The following SRD5A2 variants were observed in gnomAD, a reference collection of about 807,000 sequenced individuals.
SRD5A2 encodes the protein 3-oxo-5-alpha-steroid 4-dehydrogenase 2.
SRD5A2 carries 30 observed loss-of-function variants against 27.4 expected under a neutral mutation model. The observed-to-expected ratio is 1.10, with a 90% confidence interval of 0.82 to 1.49. The LOEUF (loss-of-function observed/expected upper bound fraction) is 1.49. Among genes scored for constraint, SRD5A2 ranks in the 40% most tolerant of loss-of-function variants. SRD5A2 has a pLI of 0.00. For missense variants in SRD5A2, 348 were observed against 323.4 expected, an observed-to-expected ratio of 1.08 and a Z score of -0.58; for synonymous variants, 141 against 133.6, an observed-to-expected ratio of 1.06 and a Z score of -0.38.
At chr2:31,571,712 C>T (rs1330409172) in intron 1 of SRD5A2, among the ~76,000 whole-genome samples, 3 of 152,124 alleles carry the variant, frequency 2.0e-5, no homozygotes, top group African/African-American at 7.2e-5. Context: ...GGGCAAAGGA[C>T]ATCAACAGAT....
chr2:31,572,686 C>T (rs1666875989), intron 1 of SRD5A2, among the ~76,000 whole-genome samples: 1 of 152,020 alleles, frequency 6.6e-6, no homozygotes, highest in Admixed American at 6.6e-5. Flanking sequence ...GCATGAGACA[C>T]AGAGTTAAGT....
intron 2 of SRD5A2, among the ~76,000 whole-genome samples, chr2:31,533,320 GA>G (rs1486773763): frequency 6.6e-6 from 1 of 152,142 alleles, no homozygotes; most frequent in East Asian, 1.9e-4. Context: ...TTGGGAAATT[GA>G]AAAGACCAAG....
the SRD5A2 span, among the ~76,000 whole-genome samples, chr2:31,591,972 G>A: frequency 2.2e-4 from 32 of 148,096 alleles, no homozygotes; most frequent in Non-Finnish European, 3.6e-4. Flanking sequence ...AGCATTAGGA[G>A]ATATACCTAA....
the SRD5A2 span, among the ~76,000 whole-genome samples, chr2:31,659,528 T>C: frequency 6.6e-6 from 1 of 152,152 alleles, no homozygotes; most frequent in Admixed American, 6.6e-5. Flanking sequence ...AGCATTTCTA[T>C]ACACCAACAA....
chr2:31,526,267 A>G lies in SRD5A2; in HGVS notation c.699-5T>C. ...TCAAACATCTTGAGGTAGAACCTAA[A>G]AGACAAGAAAGGAATAATTGTAAAT... On this transcript the variant is annotated splice_polypyrimidine_tract_variant and splice_region_variant and intron_variant, in intron 4 of 4. Coordinates refer to ENST00000622030, the MANE Select transcript of SRD5A2 (RefSeq NM_000348.4). 2 of 1,558,374 alleles carry G rather than the reference A, an allele frequency of 1.3e-6. No homozygotes were observed. The highest frequency in any genetic ancestry group is 8.7e-7 in the Non-Finnish European group (1 of 1,143,536).
chr2:31,582,741 T>C (rs1179256147), upstream of SRD5A2, among the ~76,000 whole-genome samples: 3 of 152,138 alleles, frequency 2.0e-5, no homozygotes, highest in Non-Finnish European at 4.4e-5. Context: ...AACCCAGTTA[T>C]TTTTCCCTCC....
the SRD5A2 span, among the ~76,000 whole-genome samples, chr2:31,622,880 G>T: frequency 6.6e-6 from 1 of 152,062 alleles, no homozygotes; most frequent in Non-Finnish European, 1.5e-5. Context: ...TTGTAGCATA[G>T]AATAAGAGAA....
chr2:31,548,252 A>C (rs532680663), intron 1 of SRD5A2, among the ~76,000 whole-genome samples: 1 of 152,334 alleles, frequency 6.6e-6, no homozygotes, highest in African/African-American at 2.4e-5. Flanking sequence ...ACTGAACTTC[A>C]TGGAGAATCT....
At chr2:31,626,949 G>T in the SRD5A2 span, among the ~76,000 whole-genome samples, 1 of 152,110 alleles carries the variant, frequency 6.6e-6, no homozygotes, top group African/African-American at 2.4e-5. Flanking sequence ...GCTCCTCTTT[G>T]TACCTCTGGT....
At chr2:31,596,385 C>CA in the SRD5A2 span, among the ~76,000 whole-genome samples, 3,632 of 63,306 alleles carry the variant, frequency 0.057, 75 homozygotes, top group East Asian at 0.08. Context: ...AAGACTCCAC[C>CA]AAAAAAAAAA....
chr2:31,572,154 A>C (rs1475443338), intron 1 of SRD5A2, among the ~76,000 whole-genome samples: 1 of 152,228 alleles, frequency 6.6e-6, no homozygotes, highest in Admixed American at 6.5e-5. Flanking sequence ...CAGCCATGAA[A>C]AATAATGAGA....
At chr2:31,543,943 G>C (rs1184401805) in intron 1 of SRD5A2, among the ~76,000 whole-genome samples, 1 of 151,940 alleles carries the variant, frequency 6.6e-6, no homozygotes, top group African/African-American at 2.4e-5. Context: ...GTTTACAAGA[G>C]ACTCACTTTA....
intron 1 of SRD5A2, among the ~76,000 whole-genome samples, chr2:31,553,929 G>A (rs1338355056): frequency 6.6e-6 from 1 of 152,136 alleles, no homozygotes; most frequent in African/African-American, 2.4e-5. Flanking sequence ...TTTGGACAAA[G>A]GAGTAGTAAG....
the SRD5A2 span, among the ~76,000 whole-genome samples, chr2:31,630,383 AAC>A: frequency 1.3e-5 from 2 of 152,180 alleles, no homozygotes. Context: ...GTAAAGAAAA[AAC>A]AGTGTGCCTT....
the SRD5A2 span, among the ~76,000 whole-genome samples, chr2:31,609,250 T>G: frequency 6.6e-6 from 1 of 152,084 alleles, no homozygotes; most frequent in African/African-American, 2.4e-5. Context: ...CTTCAATCCC[T>G]GTCAGAATCC....
chr2:31,661,085 C>A, the SRD5A2 span, among the ~76,000 whole-genome samples: 1 of 152,144 alleles, frequency 6.6e-6, no homozygotes, highest in Non-Finnish European at 1.5e-5. Flanking sequence ...CTTGGTGATT[C>A]AAGGGCCCAC....
At chr2:31,560,040 C>G (rs913440128) in intron 1 of SRD5A2, among the ~76,000 whole-genome samples, 1 of 142,648 alleles carries the variant, frequency 7.0e-6, no homozygotes, top group Non-Finnish European at 1.5e-5. Flanking sequence ...CCCACAATAT[C>G]TATGTACATA....
the SRD5A2 span, among the ~76,000 whole-genome samples, chr2:31,658,435 T>C: frequency 6.6e-6 from 1 of 151,680 alleles, no homozygotes; most frequent in African/African-American, 2.4e-5. Context: ...AATTAATTCT[T>C]TGAAAGAATA....
At chr2:31,625,575 A>C in the SRD5A2 span, among the ~76,000 whole-genome samples, 3 of 152,234 alleles carry the variant, frequency 2.0e-5, no homozygotes, top group Admixed American at 1.3e-4. Flanking sequence ...AGCTTTCTAC[A>C]TATGGCTAGC....
Sources: gnomAD v4.1 joint callset for allele counts (sites outside exome capture counted in the v4.1 genomes callset) on GRCh38, gnomAD v4.1.1 for gene constraint, MANE v1.5 for transcripts, NCBI Gene and HGNC (gene_info 2026-07-23, HGNC 2026-07-21) for gene names.